Variants in MYO18A observed in about 807,000 individuals in gnomAD.
MYO18A encodes unconventional myosin-XVIIIa.
In MYO18A, 78 loss-of-function variants were observed where a neutral mutation model predicts 235.8. The ratio of observed to expected loss-of-function variants is 0.33; its 90% CI spans 0.28 to 0.40. The LOEUF is 0.40. Among genes scored for constraint, MYO18A ranks in the 10% least tolerant of loss-of-function variants. The probability of loss-of-function intolerance (pLI) is 1.00; values close to 1 mark genes in which losing one functional copy is unlikely to be tolerated. For synonymous variants in MYO18A, 977 were observed against 1,077.8 expected, an observed-to-expected ratio of 0.91 and a Z score of 1.83; for missense variants, 2,215 against 2,699.3, an observed-to-expected ratio of 0.82 and a Z score of 3.98.
chr17:29,073,924 G>C lies in MYO18A; in HGVS notation c.*846C>G, dbSNP rs867287177. ...CTGGACAGAGCAGGAGGGAGGCAGTGCTTGGATCAGCCCTGAACTGCTGTA... is the reference window on the plus strand; with the variant it reads ...CTGGACAGAGCAGGAGGGAGGCAGTCCTTGGATCAGCCCTGAACTGCTGTA... On this transcript the variant is annotated 3_prime_UTR_variant, in exon 42 of 42. Transcript: ENST00000527372. 1 of 1,613,982 alleles carries C rather than the reference G, an allele frequency of 6.2e-7. No homozygotes were observed.
intron 1 of MYO18A, among the ~76,000 whole-genome samples, chr17:29,167,372 C>T (rs1421966211): frequency 6.6e-6 from 1 of 152,074 alleles, no homozygotes; most frequent in East Asian, 1.9e-4. Flanking sequence ...GAGACCTGAC[C>T]TCCTGGTGAG....
At chr17:29,146,800 C>T (rs757957324) in intron 2 of MYO18A, among the ~76,000 whole-genome samples, 28 of 152,138 alleles carry the variant, frequency 1.8e-4, no homozygotes, top group East Asian at 1.9e-4. Context: ...AGCCTGTAGC[C>T]GGTTCTACTG....
At chr17:29,083,896 G>A (rs1441675726) in intron 40 of MYO18A, among the ~76,000 whole-genome samples, 2 of 152,202 alleles carry the variant, frequency 1.3e-5, no homozygotes, top group Non-Finnish European at 2.9e-5. Context: ...TTAGAAAGGA[G>A]GTGCTGTATG....
chr17:29,093,213 AC>A, intron 32 of MYO18A, 109 bp downstream of exon 32: 7 of 1,118,706 alleles, frequency 6.3e-6, no homozygotes, highest in South Asian at 5.8e-5. Flanking sequence ...TCTTTGCAGC[AC>A]CCCCACCCCC....
intron 41 of MYO18A, chr17:29,077,485 G>C (rs2066010466): frequency 6.6e-6 from 1 of 152,274 alleles, no homozygotes; most frequent in Admixed American, 6.5e-5. Context: ...CACCAGATGG[G>C]AAGCTAAGTG....
intron 26 of MYO18A, among the ~76,000 whole-genome samples, chr17:29,097,580 C>T (rs548828802): frequency 3.3e-4 from 51 of 152,350 alleles, no homozygotes; most frequent in African/African-American, 1.2e-3. Context: ...GCTGGGACCA[C>T]GGCCCTCAGT....
chr17:29,171,816 C>G (rs2068410539), intron 1 of MYO18A, among the ~76,000 whole-genome samples: 1 of 151,276 alleles, frequency 6.6e-6, no homozygotes, highest in Admixed American at 6.6e-5. Flanking sequence ...TCACCTGAGC[C>G]TGGGAGGTCG....
At position 29,085,564 on chromosome 17, in the gene MYO18A, C is replaced by T. The variant is rs186688677; in HGVS notation, c.5897+40G>A. 601 of 1,606,564 alleles carry T rather than the reference C, an allele frequency of 3.7e-4. 7 individuals are homozygous for T. The East Asian group carries it at 0.012, about 33-fold the overall frequency. On this transcript the variant is annotated intron_variant, in intron 40 of 41. Transcript: ENST00000527372. ...CCAGTGTTAGGGGTGGTTAGACACC[C>T]GCGAGGACAGGCAGAGAGCACATGC...
Position 29,118,004 on chromosome 17 carries a change from C to T in MYO18A, c.2038+41G>A. ...GTGGGCAGGGTCCCTGTGAGGTCACCCAGGGGACAGGCCAGCCTACTGGGA... is the reference window on the plus strand; with the variant it reads ...GTGGGCAGGGTCCCTGTGAGGTCACTCAGGGGACAGGCCAGCCTACTGGGA... On this transcript the variant is annotated intron_variant, in intron 10 of 41. Transcript: ENST00000527372. The surrounding 1 kb of genome is among the most constrained non-coding windows in gnomAD (Gnocchi z 4.2). 1.3e-6 allele frequency: 2 copies of T among 1,555,210 alleles called. No homozygotes were observed. The highest frequency in any genetic ancestry group is 1.7e-6 in the Non-Finnish European group (2 of 1,149,440).
chr17:29,171,370 G>A (rs1436971153), intron 1 of MYO18A, among the ~76,000 whole-genome samples: 1 of 152,066 alleles, frequency 6.6e-6, no homozygotes, highest in Non-Finnish European at 1.5e-5. Flanking sequence ...CTGGGAGGCG[G>A]AGGTTGCAGT....
chr17:29,134,139 T>C (rs2067539573), intron 2 of MYO18A, among the ~76,000 whole-genome samples: 1 of 152,238 alleles, frequency 6.6e-6, no homozygotes, highest in African/African-American at 2.4e-5. Context: ...TCTCACTCTG[T>C]AGGCCAGGCT....
chr17:29,162,914 C>T (rs1380774276), intron 2 of MYO18A, among the ~76,000 whole-genome samples: 3 of 152,206 alleles, frequency 2.0e-5, no homozygotes, highest in Non-Finnish European at 4.4e-5. Context: ...TCTGGACACA[C>T]GCCATGTGAG....
At chr17:29,173,675 C>A (rs192988946) in intron 1 of MYO18A, among the ~76,000 whole-genome samples, 1 of 151,874 alleles carries the variant, frequency 6.6e-6, no homozygotes, top group Non-Finnish European at 1.5e-5. Context: ...CGTGAGCCAC[C>A]GCACCCGGCC....
intron 1 of MYO18A, among the ~76,000 whole-genome samples, chr17:29,179,272 C>T (rs9894182): frequency 1.3e-5 from 2 of 151,882 alleles, no homozygotes; most frequent in Non-Finnish European, 2.9e-5. Context: ...TCCCCCACCC[C>T]CCACCTCTAG....
rs1336746723 is a variant in MYO18A, at chr17:29,115,021, A to C, written c.2397T>G (p.Gly799=). ...DTPGFQNPEQ[G]GSARGASFEE... is the part of the protein sequence containing the mutation. ...CAAAGGAGGCTCCGCGGGCTGACCC[A>C]CCCTGCTCAGGGTTCTGGAAGCCCG... The change falls in exon 14 of 42, where the codon GGT becomes GGG. Residue 799 remains glycine (G), a synonymous_variant. Transcript: ENST00000527372. 2.5e-6 allele frequency: 4 copies of C among 1,613,846 alleles called. No individual in the cohort carries two copies. The highest frequency in any genetic ancestry group is 3.4e-6 in the Non-Finnish European group (4 of 1,179,892).
rs746761580 is a variant in MYO18A at position 29,093,360 on chromosome 17, C to T, written c.4889G>A (p.Arg1630Gln). 18 of 1,612,496 alleles carry T rather than the reference C, an allele frequency of 1.1e-5. No homozygotes were observed. Among genetic ancestry groups the T allele is most frequent in the African/African-American group, 1.3e-5 (1 of 74,792 alleles). The change falls in exon 32 of 42, where the codon CGG (arginine) becomes CAG (glutamine). Residue 1630 changes from arginine to glutamine, a missense_variant. Transcript: ENST00000527372. ...EDKQKVLREK[R>Q]ELEGKLATLS... ...GGTGGCGAGCTTGCCCTCCAGCTCC[C>T]GCTTCTCTCGCAGAACCTTCTGCTT...
In MYO18A at chr17:29,128,433, C is replaced by T. The variant is rs1041920752; in HGVS notation, c.1000-6180G>A. 20 of 1,289,446 alleles carry T rather than the reference C, an allele frequency of 1.6e-5. No individual in the cohort carries two copies. In the African/African-American group the frequency reaches 2.7e-4, roughly 18 times the overall value. The allele number at this position is 1,289,446 out of a possible 1,614,324, so 79.9% of individuals were successfully genotyped here. ...GTGGCAGCTCCCGGGCCGTTCATGG[C>T]GAGTGTGGGTGCAGGGCTCCTGGCT... On this transcript the variant is annotated intron_variant, in intron 2 of 41. Transcript: ENST00000527372.
intron 2 of MYO18A, among the ~76,000 whole-genome samples, chr17:29,162,276 T>C (rs1428631212): frequency 6.6e-6 from 1 of 152,194 alleles, no homozygotes; most frequent in Non-Finnish European, 1.5e-5. Flanking sequence ...TTAAATTGCT[T>C]CAGTGCCCTT....
intron 2 of MYO18A, among the ~76,000 whole-genome samples, chr17:29,124,272 G>A (rs2067267445): frequency 6.6e-6 from 1 of 152,204 alleles, no homozygotes. Flanking sequence ...TCACGTTCAG[G>A]CATGGGCTGG....
Sources: allele counts gnomAD v4.1 joint callset (sites outside exome capture counted in the v4.1 genomes callset), GRCh38; gene constraint gnomAD v4.1.1; non-coding constraint Gnocchi (gnomAD v3.1); transcripts MANE v1.5; gene names NCBI Gene and HGNC (gene_info 2026-07-23, HGNC 2026-07-21).